ESAM: variants seen among roughly 807,000 people sequenced by gnomAD.
The protein encoded by ESAM is endothelial cell adhesion molecule.
Under a neutral mutation model 31.8 loss-of-function variants are expected in ESAM, and 23 were observed. The ratio of observed to expected loss-of-function variants is 0.72; its 90% CI spans 0.52 to 1.03. The LOEUF (loss-of-function observed/expected upper bound fraction) is 1.03, where lower values mean the gene tolerates loss of function less well. Among genes scored for constraint, ESAM ranks in the 50% least tolerant of loss-of-function variants. The probability of loss-of-function intolerance (pLI) is 0.00; values close to 1 mark genes in which losing one functional copy is unlikely to be tolerated. For synonymous variants in ESAM, 216 were observed against 207.2 expected (o/e 1.04, Z -0.37); for missense variants, 478 against 488.9 (o/e 0.98, Z 0.21).
rs773732062 is a variant in ESAM at position 124,758,525 on chromosome 11, G to T, written c.73C>A (p.Pro25Thr). ...FLFLGLSALA[P>T]PSRAQLQLHL... ...AGTTGCAGCTGGGCCCGCGAGGGGG[G>T]CGCTGGAGACAAGAGCGAGGCGTGA... The change falls in exon 2 of 7, where the codon CCC (proline) becomes ACC (threonine). Residue 25 changes from proline to threonine, a missense_variant and splice_region_variant. Transcript: ENST00000278927. The T allele has an allele frequency of 2.6e-6, 4 of 1,552,224 alleles. No individual in the cohort carries two copies. The highest frequency in any genetic ancestry group is 3.9e-5 in the Admixed American group (2 of 51,116).
chr11:124,756,391 C>T, intron 3 of ESAM, 29 bp from the exon 4 acceptor site: 1 of 1,579,726 alleles, frequency 6.3e-7, no homozygotes. Context: ...ATTAAAACCA[C>T]ACCCAGGAGA....
Position 124,758,482 on chromosome 11 carries a change from C to A in ESAM, c.116G>T (p.Arg39Leu). ...TTCCCCTCCCTCCACCGCCTGCAAC[C>A]GGTTGGCGGGCAAGTGCAGTTGCAG... The part of the protein sequence containing the change: ...AQLQLHLPAN[R>L]LQAVEGGEVV... The change falls in exon 2 of 7, where the codon CGG (arginine) becomes CTG (leucine). Residue 39 changes from arginine to leucine, a missense_variant. Coordinates refer to ENST00000278927, the MANE Select transcript of ESAM (RefSeq NM_138961.3). 6.2e-7 allele frequency: 1 copy of A among 1,608,556 alleles called. No homozygotes were observed. The highest frequency in any genetic ancestry group is 8.5e-7 in the Non-Finnish European group (1 of 1,177,378).
chr11:124,762,272 G>A lies in ESAM; in HGVS notation c.-118C>T, dbSNP rs1944240823. ...GGGAGCCGAGCCGCTGACACCCAGG[G>A]CGGCTCCAGCCCAAGTCTGCGCGCC... On this transcript the variant is annotated 5_prime_UTR_variant, in exon 1 of 7. Transcript: ENST00000278927. This position sits in a 1 kb window ranked among gnomAD's most constrained non-coding sequence, Gnocchi z 6.4. 7.9e-6 allele frequency: 6 copies of A among 758,970 alleles called. No individual in the cohort carries two copies. The highest frequency in any genetic ancestry group is 1.2e-5 in the Non-Finnish European group (6 of 492,812). The allele number at this position is 758,970 out of a possible 1,614,324, so 47.0% of individuals were successfully genotyped here. A position where few individuals can be genotyped will look rare whatever the true frequency, so the allele number is the denominator to read the frequency against.
At chr11:124,760,237 T>C (rs1031437238) in intron 1 of ESAM, among the ~76,000 whole-genome samples, 1 of 152,158 alleles carries the variant, frequency 6.6e-6, no homozygotes, top group African/African-American at 2.4e-5. Flanking sequence ...GTCTGCTGGC[T>C]CGGAAGTCAC....
Position 124,762,001 on chromosome 11 carries a change from G to T in ESAM, c.70+84C>A. On this transcript the variant is annotated intron_variant, in intron 1 of 6. Transcript: ENST00000278927. This position sits in a 1 kb window ranked among gnomAD's most constrained non-coding sequence, Gnocchi z 6.4. ...AGGGCGAGTCGTGGGACCCAGTTCCGCAGCAGTGGCCAAAGTTCTCCCTCA... is the reference window on the plus strand; with the variant it reads ...AGGGCGAGTCGTGGGACCCAGTTCCTCAGCAGTGGCCAAAGTTCTCCCTCA... The T allele has an allele frequency of 8.1e-7, 1 of 1,240,602 alleles. No individual in the cohort carries two copies. The highest frequency in any genetic ancestry group is 1.2e-6 in the Non-Finnish European group (1 of 867,526). The allele number at this position is 1,240,602 out of a possible 1,614,324, so 76.8% of individuals were successfully genotyped here. A position where few individuals can be genotyped will look rare whatever the true frequency, so the allele number is the denominator to read the frequency against.
chr11:124,753,555 ACT>A lies in ESAM; in HGVS notation c.*89_*90del. On this transcript the variant is annotated 3_prime_UTR_variant, in exon 7 of 7. Transcript: ENST00000278927. ...CAGAGTACTAAGGGTCAGGAGTGTG[ACT>A]CTTTCCCATGACTCAGGCCTCTGTG... The A allele has an allele frequency of 7.0e-7, 1 of 1,427,528 alleles. No homozygotes were observed. The highest frequency in any genetic ancestry group is 9.6e-7 in the Non-Finnish European group (1 of 1,036,494). The allele number at this position is 1,427,528 out of a possible 1,614,324, so 88.4% of individuals were successfully genotyped here.
At chr11:124,757,418 T>C (rs1240702649) in intron 2 of ESAM, 1 of 152,290 alleles carries the variant, frequency 6.6e-6, no homozygotes, top group East Asian at 1.9e-4. Context: ...GCAACAAGAG[T>C]AAGACCCCTG....
chr11:124,762,204 G>C lies in ESAM; in HGVS notation c.-50C>G, dbSNP rs768246760. 2.1e-6 allele frequency: 3 copies of C among 1,448,980 alleles called. No individual in the cohort carries two copies. Among genetic ancestry groups the C allele is most frequent in the African/African-American group, 1.5e-5 (1 of 68,656 alleles). The allele number at this position is 1,448,980 out of a possible 1,614,324, so 89.8% of individuals were successfully genotyped here. A position where few individuals can be genotyped will look rare whatever the true frequency, so the allele number is the denominator to read the frequency against. ...CAGGGGCGCCAGCCGCGGGACGCAC[G>C]GACCTGCAGGTGCCGAGGCTGCGCG... is the stretch of plus-strand genomic sequence containing the variant. On this transcript the variant is annotated 5_prime_UTR_variant, in exon 1 of 7. Transcript: ENST00000278927. This position sits in a 1 kb window ranked among gnomAD's most constrained non-coding sequence, Gnocchi z 6.4.
At chr11:124,756,925 CTCTTCACCAGAACAGT>C in intron 2 of ESAM, 183 bp from the exon 3 acceptor site, 3 of 622,364 alleles carry the variant, frequency 4.8e-6, no homozygotes, top group Non-Finnish European at 8.5e-6. Flanking sequence ...CCCCTGGGTC[CTCTTCACCAGAACAGT>C]TCTTCGTTCC....
In ESAM at chr11:124,754,544, C is replaced by A; in HGVS notation, c.730+97G>T. 1 of 1,536,122 alleles carries A rather than the reference C, an allele frequency of 6.5e-7. No individual in the cohort carries two copies. Among genetic ancestry groups the A allele is most frequent in the Non-Finnish European group, 8.8e-7 (1 of 1,139,432 alleles). ...TGATCAGGGGAAGCTCCGTGCCCTG[C>A]TACAGAGACAGGCCTCAGCAGACAG... is the stretch of plus-strand genomic sequence containing the variant. On this transcript the variant is annotated intron_variant, in intron 5 of 6. Transcript: ENST00000278927. The surrounding 1 kb of genome is among the most constrained non-coding windows in gnomAD (Gnocchi z 4.5).
intron 1 of ESAM, among the ~76,000 whole-genome samples, chr11:124,760,704 A>G (rs2134463824): frequency 6.6e-6 from 1 of 152,290 alleles, no homozygotes; most frequent in East Asian, 1.9e-4. Context: ...CTGAGGCTCA[A>G]AGCTGGGGTA....
chr11:124,754,768 G>C lies in ESAM; in HGVS notation c.608-5C>G. ...TTAAAGACCCACGGATGACATCTGT[G>C]GACACAATTTAGCCATCAGTCCAGG... On this transcript the variant is annotated splice_polypyrimidine_tract_variant and splice_region_variant and intron_variant, in intron 4 of 6. Transcript: ENST00000278927. The surrounding 1 kb of genome is among the most constrained non-coding windows in gnomAD (Gnocchi z 4.5). 6.2e-7 allele frequency: 1 copy of C among 1,609,056 alleles called. No individual in the cohort carries two copies. The highest frequency in any genetic ancestry group is 8.5e-7 in the Non-Finnish European group (1 of 1,178,348).
chr11:124,756,409 A>G, intron 3 of ESAM, 47 bp from the exon 4 acceptor site: 8 of 1,576,992 alleles, frequency 5.1e-6, no homozygotes, highest in Non-Finnish European at 6.9e-6. Flanking sequence ...AGACCCACAG[A>G]TCCTCTCCCT....
At position 124,753,536 on chromosome 11, in the gene ESAM, A is replaced by G; in HGVS notation, c.*110T>C. 8.3e-7 allele frequency: 1 copy of G among 1,198,374 alleles called. No individual in the cohort carries two copies. Among genetic ancestry groups the G allele is most frequent in the Non-Finnish European group, 1.2e-6 (1 of 847,068 alleles). 74.2% of individuals were successfully genotyped at this position (1,198,374 alleles called of 1,614,324 possible). ...CAGTAAAGAGAGGTGGGGGCAGAGTACTAAGGGTCAGGAGTGTGACTCTTT... is the reference window on the plus strand; with the variant it reads ...CAGTAAAGAGAGGTGGGGGCAGAGTGCTAAGGGTCAGGAGTGTGACTCTTT... On this transcript the variant is annotated 3_prime_UTR_variant, in exon 7 of 7. Transcript: ENST00000278927.
At position 124,754,270 on chromosome 11, in the gene ESAM, C is replaced by G; in HGVS notation, c.801G>C (p.Leu267=). Reference sequence around the variant, plus strand: ...TGCCCCGGCGGTGGTACAAGAGGACCAGCCCAGCCAGCAACCCCAGTCCAA... The same window carrying G: ...TGCCCCGGCGGTGGTACAAGAGGACGAGCCCAGCCAGCAACCCCAGTCCAA... ...TLVGLGLLAG[L]VLLYHRRGKA... is the part of the protein sequence containing the mutation. Residue 267 remains leucine, a synonymous_variant, in exon 6 of 7, where the codon CTG becomes CTC. Coordinates refer to ENST00000278927, the MANE Select transcript of ESAM (RefSeq NM_138961.3). The surrounding 1 kb of genome is among the most constrained non-coding windows in gnomAD (Gnocchi z 4.5). 2 of 1,613,950 alleles carry G rather than the reference C, an allele frequency of 1.2e-6. No homozygotes were observed. The highest frequency in any genetic ancestry group is 1.6e-4 in the Middle Eastern group (1 of 6,062).
rs909580384 is a variant in ESAM at position 124,756,084 on chromosome 11, A to ATCC, written c.607+120_607+122dup. The ATCC allele has an allele frequency of 2.2e-6, 3 of 1,348,110 alleles. No individual in the cohort carries two copies. The African/African-American group carries it at 4.3e-5, about 19-fold the overall frequency. The allele number at this position is 1,348,110 out of a possible 1,614,324, so 83.5% of individuals were successfully genotyped here. On this transcript the variant is annotated intron_variant, in intron 4 of 6. Coordinates refer to ENST00000278927, the MANE Select transcript of ESAM (RefSeq NM_138961.3). Reference sequence around the variant, plus strand: ...TTTCTCTGCCCCACATCCTCCCCACATCCTCCTCCTCCTCCCCAGTGCTTG... The same window carrying ATCC: ...TTTCTCTGCCCCACATCCTCCCCACATCCTCCTCCTCCTCCTCCCCAGTGCTTG...
At chr11:124,756,143 G>C (rs1052246380) in intron 4 of ESAM, 64 bp downstream of exon 4, 1 of 1,605,030 alleles carries the variant, frequency 6.2e-7, no homozygotes, top group African/African-American at 1.3e-5. Context: ...CCCAGTCCCT[G>C]TGGTACCTCT....
Position 124,754,714 on chromosome 11 carries a change from A to G in ESAM, c.657T>C (p.Ala219=). ...LSLTNLSSSM[A]GVYVCKAHNE... ...TGTGGGCCTTGCAGACATAGACTCC[A>G]GCCATGGAAGACGAAAGGTTGGTGA... is the stretch of plus-strand genomic sequence containing the variant. The change falls in exon 5 of 7, where the codon GCT becomes GCC. Residue 219 remains alanine, a synonymous_variant. Coordinates refer to ENST00000278927, the MANE Select transcript of ESAM (RefSeq NM_138961.3). This position sits in a 1 kb window ranked among gnomAD's most constrained non-coding sequence, Gnocchi z 4.5. The G allele has an allele frequency of 6.2e-7, 1 of 1,614,156 alleles. No homozygotes were observed. Among genetic ancestry groups the G allele is most frequent in the Non-Finnish European group, 8.5e-7 (1 of 1,180,022 alleles).
intron 1 of ESAM, among the ~76,000 whole-genome samples, chr11:124,760,396 C>A (rs1944213363): frequency 6.6e-6 from 1 of 152,250 alleles, no homozygotes; most frequent in African/African-American, 2.4e-5. Context: ...GTGAGGGAGC[C>A]GGCAGGGGCC....
Sources: allele counts gnomAD v4.1 joint callset (sites outside exome capture counted in the v4.1 genomes callset), GRCh38; gene constraint gnomAD v4.1.1; non-coding constraint Gnocchi (gnomAD v3.1); transcripts MANE v1.5; gene names NCBI Gene and HGNC (gene_info 2026-07-23, HGNC 2026-07-21).